The following NUP188 variants were observed in gnomAD, a reference collection of about 807,000 sequenced individuals.
NUP188 encodes the protein nucleoporin 188.
A neutral mutation model predicts 223.0 loss-of-function variants in NUP188; 97 were observed. That is an observed-to-expected ratio of 0.43 (90% CI 0.37 to 0.51). The LOEUF is 0.51. Ranked by LOEUF, NUP188 falls within the 20% of genes least tolerant of loss-of-function variation. The pLI is 0.00. For missense variants in NUP188, 1,947 were observed against 2,175.6 expected, an observed-to-expected ratio of 0.89 and a Z score of 2.09; for synonymous variants, 869 against 828.0, an observed-to-expected ratio of 1.05 and a Z score of -0.85.
At chr9:128,993,862 G>A (rs1842472862) in intron 27 of NUP188, among the ~76,000 whole-genome samples, 168 bp downstream of exon 27, 1 of 152,200 alleles carries the variant, frequency 6.6e-6, no homozygotes, top group Non-Finnish European at 1.5e-5. Flanking sequence ...GCTGCTGCAA[G>A]TATTAAGGAT....
Position 128,982,549 on chromosome 9 carries a change from G to C in NUP188, c.1517G>C (p.Gly506Ala). The C allele has an allele frequency of 6.2e-7, 1 of 1,608,382 alleles. No individual in the cohort carries two copies. The highest frequency in any genetic ancestry group is 8.5e-7 in the Non-Finnish European group (1 of 1,178,248). Residue 506 changes from glycine (G) to alanine (A), a missense_variant and splice_region_variant, in exon 16 of 44, where the codon GGG (glycine) becomes GCG (alanine). This residue lies in a region of NUP188 where 817 missense variants were observed against 865.8 expected (regional missense o/e 0.94). Transcript: ENST00000372577. ...AGACTAATTTATCTTTCTCTCTCAG[G>C]GGGTCAAACCAACCTTCGCATACCT... Reference protein sequence around the residue: ...RQTPKLLYPLGGQTNLRIPQG... With the variant: ...RQTPKLLYPLAGQTNLRIPQG...
intron 1 of NUP188, 74 bp downstream of exon 1, chr9:128,947,825 T>TGACCA: frequency 7.7e-7 from 1 of 1,291,296 alleles, no homozygotes; most frequent in Non-Finnish European, 9.9e-7. Flanking sequence ...GGGGCGGGAA[T>TGACCA]TGGAGGCGGG....
intron 2 of NUP188, among the ~76,000 whole-genome samples, chr9:128,951,306 C>CAA (rs34863865): frequency 1.5e-4 from 13 of 86,218 alleles, no homozygotes; most frequent in African/African-American, 4.4e-4. Context: ...GACTCCATCT[C>CAA]AAAAAAAAAA....
rs915899796 is a variant in NUP188 at position 128,994,390 on chromosome 9, A to C, written c.3035A>C (p.Asn1012Thr). Residue 1012 changes from asparagine (N) to threonine (T), a missense_variant, in exon 28 of 44, where the codon AAT (asparagine) becomes ACT (threonine). Transcript: ENST00000372577. ...CTTTTTAGACCCAAGTTTTGGGAAA[A>C]TTTAACCAGTCCGCTGTTTGGAACC... ...VLRTKPKFWE[N>T]LTSPLFGTLS... The C allele has an allele frequency of 6.2e-7, 1 of 1,613,310 alleles. No homozygotes were observed. The highest frequency in any genetic ancestry group is 1.7e-5 in the Admixed American group (1 of 60,012).
rs764549013 is a variant in NUP188, at chr9:129,003,403, C to T, written c.4383C>T (p.Asn1461=). ...HTVGFILQLS[N]FMKEWHFHLP... ...TGGGTTTTATTCTGCAGCTCTCTAA[C>T]TTCATGAAGGAGTGGCACTTCCACC... Residue 1461 remains asparagine, a synonymous_variant, in exon 38 of 44, where the codon AAC becomes AAT. Transcript: ENST00000372577. The T allele has an allele frequency of 6.2e-7, 1 of 1,613,228 alleles. No homozygotes were observed. Among genetic ancestry groups the T allele is most frequent in the African/African-American group, 1.3e-5 (1 of 74,934 alleles).
In NUP188 at chr9:128,955,097, C is replaced by T. The variant is rs143855056; in HGVS notation, c.162-1253C>T. ...AACTCCTGACCTCAGGTGATCCGCC[C>T]GCCTCAGCCTCCCAAAGTGCTGGGA... On this transcript the variant is annotated intron_variant, in intron 3 of 43. Transcript: ENST00000372577. Among the ~76,000 whole-genome samples, 372 of 151,880 alleles carry T rather than the reference C, an allele frequency of 2.4e-3. 7 individuals are homozygous for T. In the East Asian group the frequency reaches 0.042, roughly 17 times the overall value.
chr9:128,955,288 C>T (rs895137858), intron 3 of NUP188, among the ~76,000 whole-genome samples: 3 of 152,094 alleles, frequency 2.0e-5, no homozygotes, highest in African/African-American at 7.2e-5. Context: ...TTCTCTTTTC[C>T]TATTTTATTT....
chr9:128,994,325 CTG>C lies in NUP188; in HGVS notation c.3018-45_3018-44del, dbSNP rs1293737663. The C allele has an allele frequency of 1.6e-5, 21 of 1,307,284 alleles. 1 individual carries two copies. The Admixed American group carries it at 2.7e-4, about 17-fold the overall frequency. The allele number at this position is 1,307,284 out of a possible 1,614,324, so 81.0% of individuals were successfully genotyped here. Reference sequence around the variant, plus strand: ...GGGAGCTTGAGAGAGGAGAAAATGACTGTGAGAGGGAAAAAGTTATGATTTCA... The same window carrying C: ...GGGAGCTTGAGAGAGGAGAAAATGACTGAGAGGGAAAAAGTTATGATTTCA... On this transcript the variant is annotated intron_variant, in intron 27 of 43. Transcript: ENST00000372577.
intron 34 of NUP188, among the ~76,000 whole-genome samples, chr9:129,000,936 G>T (rs890314970): frequency 1.3e-5 from 2 of 152,014 alleles, no homozygotes; most frequent in Non-Finnish European, 2.9e-5. Context: ...TACTCGGGAG[G>T]CTGAGGCAGG....
chr9:128,958,832 T>C lies in NUP188; in HGVS notation c.403T>C (p.Cys135Arg). The C allele has an allele frequency of 6.3e-7, 1 of 1,597,130 alleles. No homozygotes were observed. Among genetic ancestry groups the C allele is most frequent in the Non-Finnish European group, 8.5e-7 (1 of 1,169,610 alleles). Residue 135 changes from cysteine (C) to arginine (R), a missense_variant, in exon 7 of 44, where the codon TGT becomes CGT. Cys to Arg is a radical substitution (Grantham distance 180). Coordinates refer to ENST00000372577, the MANE Select transcript of NUP188 (RefSeq NM_015354.3). ...IADYYYEERTCILRCVLHLLT... is the reference protein window; with the variant it reads ...IADYYYEERTRILRCVLHLLT... ...AGATTATTATTATGAAGAAAGAACC[T>C]GTATTCTTCGTTGTGTCTTACACCT...
At chr9:128,951,046 T>C (rs954646642) in intron 2 of NUP188, among the ~76,000 whole-genome samples, 1 of 152,124 alleles carries the variant, frequency 6.6e-6, no homozygotes, top group Non-Finnish European at 1.5e-5. Context: ...GCATGGTGGC[T>C]CACGCCTGTA....
At position 129,006,596 on chromosome 9, in the gene NUP188, CCTCT is replaced by C; in HGVS notation, c.5174_5177del (p.Leu1725ProfsTer11). The C allele has an allele frequency of 6.2e-7, 1 of 1,614,238 alleles. No individual in the cohort carries two copies. ...CTCCCCTCGCCGCAGGGCAAGTCCA[CCTCT>C]CTCTCCAAAGCCAGCCCTGAGAGTC... On this transcript the variant is annotated frameshift_variant, in exon 44 of 44. Transcript: ENST00000372577. LOFTEE classifies it high-confidence loss of function.
intron 2 of NUP188, among the ~76,000 whole-genome samples, chr9:128,951,372 A>G (rs1043388094): frequency 9.7e-4 from 147 of 151,574 alleles, no homozygotes; most frequent in Non-Finnish European, 1.5e-3. Context: ...CCAGCTACTC[A>G]GGAGGCTGTG....
At chr9:128,966,906 G>GA (rs1465855860) in intron 8 of NUP188, among the ~76,000 whole-genome samples, 1 of 152,164 alleles carries the variant, frequency 6.6e-6, no homozygotes, top group African/African-American at 2.4e-5. Flanking sequence ...ATGTGCAGTG[G>GA]AATACTATGT....
chr9:128,995,102 A>C (rs1050813076), intron 29 of NUP188, 179 bp downstream of exon 29: 2 of 638,922 alleles, frequency 3.1e-6, no homozygotes, highest in Non-Finnish European at 5.5e-6. Flanking sequence ...TATGATTGTC[A>C]GAAAGAGTTA....
At chr9:128,954,423 G>C (rs1306426745) in intron 3 of NUP188, among the ~76,000 whole-genome samples, 1 of 138,686 alleles carries the variant, frequency 7.2e-6, no homozygotes, top group African/African-American at 2.7e-5. Context: ...CTCGCTCTGT[G>C]GCCCAGGCTG....
At chr9:128,971,659 C>G (rs570941636) in intron 11 of NUP188, among the ~76,000 whole-genome samples, 1 of 152,292 alleles carries the variant, frequency 6.6e-6, no homozygotes, top group South Asian at 2.1e-4. Context: ...ACCTCGTGAT[C>G]CACCCGCCTC....
intron 25 of NUP188, among the ~76,000 whole-genome samples, chr9:128,991,574 G>A (rs1162259728): frequency 3.3e-5 from 5 of 151,144 alleles, no homozygotes; most frequent in African/African-American, 1.2e-4. Context: ...GGGCGTGGTG[G>A]CTCATGCCTG....
intron 20 of NUP188, 26 bp downstream of exon 20, chr9:128,985,040 G>T (rs1006329889): frequency 6.5e-7 from 1 of 1,532,922 alleles, no homozygotes; most frequent in Non-Finnish European, 9.0e-7. Context: ...GTTCACAAAG[G>T]GCAGAAAAAG....
Sources: gnomAD v4.1 joint callset for allele counts (sites outside exome capture counted in the v4.1 genomes callset) on GRCh38, gnomAD v4.1.1 for gene constraint, gnomAD v4.1.1 regional missense constraint, MANE v1.5 for transcripts, NCBI Gene and HGNC (gene_info 2026-07-23, HGNC 2026-07-21) for gene names.